CHID1: variants seen among roughly 807,000 people sequenced by gnomAD.
CHID1 encodes chitinase domain-containing protein 1.
Under a neutral mutation model 55.4 loss-of-function variants are expected in CHID1, and 44 were observed. The observed-to-expected ratio is 0.79, with a 90% CI of 0.62 to 1.02. CHID1 has a LOEUF of 1.02. Ranked by LOEUF, CHID1 falls within the 50% of genes least tolerant of loss-of-function variation. The probability of loss-of-function intolerance (pLI) is 0.00; values close to 1 mark genes in which losing one functional copy is unlikely to be tolerated. For missense variants in CHID1, 491 were observed against 515.3 expected (o/e 0.95, Z 0.46); for synonymous variants, 216 against 212.9 (o/e 1.01, Z -0.13).
At chr11:878,869 C>CG (rs1212216175) in intron 10 of CHID1, among the ~76,000 whole-genome samples, 1 of 151,216 alleles carries the variant, frequency 6.6e-6, no homozygotes, top group African/African-American at 2.4e-5. Flanking sequence ...TTTTTTGAGA[C>CG]GGAGTCTCAC....
At chr11:879,131 C>T (rs1024531640) in intron 10 of CHID1, among the ~76,000 whole-genome samples, 11 of 152,222 alleles carry the variant, frequency 7.2e-5, no homozygotes, top group African/African-American at 2.2e-4. Flanking sequence ...CAGGTGTGAG[C>T]CACAGTGTCC....
intron 1 of CHID1, among the ~76,000 whole-genome samples, chr11:905,219 A>G (rs190511576): frequency 6.6e-6 from 1 of 152,352 alleles, no homozygotes; most frequent in East Asian, 1.9e-4. Flanking sequence ...AAGCCAAACC[A>G]TGGTAGGGCT....
At chr11:883,634 G>T (rs755903854) in intron 9 of CHID1, among the ~76,000 whole-genome samples, 1 of 152,232 alleles carries the variant, frequency 6.6e-6, no homozygotes, top group Non-Finnish European at 1.5e-5. Context: ...GCACTCATGT[G>T]CGGCCCCCAC....
chr11:909,156 G>C (rs1379929334), intron 1 of CHID1, among the ~76,000 whole-genome samples: 1 of 152,182 alleles, frequency 6.6e-6, no homozygotes, highest in Non-Finnish European at 1.5e-5. Context: ...CCTTGTCTGG[G>C]CTTTGGTACC....
intron 1 of CHID1, among the ~76,000 whole-genome samples, 167 bp from the exon 2 acceptor site, chr11:905,026 CCA>C (rs1287239288): frequency 4.6e-5 from 7 of 152,190 alleles, no homozygotes; most frequent in African/African-American, 1.7e-4. Flanking sequence ...GCCCTGGCGG[CCA>C]CAGTCTATTC....
intron 9 of CHID1, among the ~76,000 whole-genome samples, chr11:883,839 G>C (rs1850183777): frequency 6.6e-6 from 1 of 152,248 alleles, no homozygotes; most frequent in Non-Finnish European, 1.5e-5. Flanking sequence ...CTCTGGCCGT[G>C]ACCCAGCTCC....
At chr11:880,476 C>G (rs1234166632) in intron 10 of CHID1, among the ~76,000 whole-genome samples, 1 of 152,204 alleles carries the variant, frequency 6.6e-6, no homozygotes, top group East Asian at 1.9e-4. Context: ...CGGGGGAAAG[C>G]CTCCCTAAGG....
intron 8 of CHID1, among the ~76,000 whole-genome samples, chr11:886,780 TCACAGCC>T (rs1850434828): frequency 6.6e-6 from 1 of 152,156 alleles, no homozygotes; most frequent in Non-Finnish European, 1.5e-5. Context: ...GCCCCCCAGC[TCACAGCC>T]CCACATCGCT....
In CHID1 at chr11:883,167, C is replaced by A. The variant is rs1850130654; in HGVS notation, c.940G>T (p.Glu314Ter). ...MDYATSKDAR[E>*]PVVGARYIQT... ...GCTCACCTGGCCCCGACAACAGGCT[C>A]ACGGGCATCCTTGGAGGTCGCGTAG... The change falls in exon 10 of 13, where the codon GAG (glutamate) becomes TAG (stop). Residue 314 changes from glutamate (E) to a stop codon, truncating the protein, a stop_gained. Coordinates refer to ENST00000323578, the MANE Select transcript of CHID1 (RefSeq NM_023947.4). LOFTEE classifies it high-confidence loss of function. 6.2e-7 allele frequency: 1 copy of A among 1,612,642 alleles called. No individual in the cohort carries two copies. Among genetic ancestry groups the A allele is most frequent in the Admixed American group, 1.7e-5 (1 of 59,982 alleles).
At chr11:900,590 A>T (rs888200708) in intron 5 of CHID1, among the ~76,000 whole-genome samples, 1 of 152,076 alleles carries the variant, frequency 6.6e-6, no homozygotes, top group Non-Finnish European at 1.5e-5. Flanking sequence ...CAGGGTCAGC[A>T]TCACCCTCAG....
rs751161259 is a variant in CHID1 at position 870,116 on chromosome 11, C to T, written c.1083+5G>A. The T allele has an allele frequency of 2.5e-5, 41 of 1,612,830 alleles. No homozygotes were observed. In the Middle Eastern group the frequency reaches 4.9e-4, roughly 19 times the overall value. Reference sequence around the variant, plus strand: ...CCCCGGTCCCACGGCTGGCAGCACACGCACCTTCAGGGTTGGGTAGAAGAC... The same window carrying T: ...CCCCGGTCCCACGGCTGGCAGCACATGCACCTTCAGGGTTGGGTAGAAGAC... On this transcript the variant is annotated splice_donor_5th_base_variant and intron_variant, in intron 12 of 12. Transcript: ENST00000323578.
Position 905,740 on chromosome 11 carries a change from G to A in CHID1, c.-43-881C>T, listed in dbSNP as rs569887688. On this transcript the variant is annotated intron_variant, in intron 1 of 12. Transcript: ENST00000323578. ...ATAACGATGATGGTGGTGATGCCAC[G>A]TTAAGTACTAGGAGAAAATATAGCT... is the stretch of plus-strand genomic sequence containing the variant. 2.6e-4 allele frequency among the ~76,000 whole-genome samples: 39 copies of A among 152,166 alleles called. 1 individual carries two copies. The South Asian group carries it at 7.0e-3, about 27-fold the overall frequency.
intron 8 of CHID1, among the ~76,000 whole-genome samples, chr11:887,360 T>G (rs1850479856): frequency 6.6e-6 from 1 of 152,146 alleles, no homozygotes; most frequent in South Asian, 2.1e-4. Flanking sequence ...TGTTCCCATT[T>G]TCTCTCCTCT....
chr11:881,339 C>T (rs191380637), intron 10 of CHID1, among the ~76,000 whole-genome samples: 23 of 151,790 alleles, frequency 1.5e-4, no homozygotes, highest in East Asian at 3.9e-4. Flanking sequence ...ATGAGATTAA[C>T]GGTAGGCTGG....
chr11:897,809 C>T lies in CHID1; in HGVS notation c.608+1531G>A, dbSNP rs556534836. Among the ~76,000 whole-genome samples, 5 of 152,142 alleles carry T rather than the reference C, an allele frequency of 3.3e-5. No homozygotes were observed. The East Asian group carries it at 9.7e-4, about 29-fold the overall frequency. On this transcript the variant is annotated intron_variant, in intron 7 of 12. Coordinates refer to ENST00000323578, the MANE Select transcript of CHID1 (RefSeq NM_023947.4). ...TGGCTGAGGGAGTGGGGTCTGGGCA[C>T]CAGGATCCAGTGGGCAACCACATTG... is the stretch of plus-strand genomic sequence containing the variant.
At chr11:909,533 A>G (rs762060362) in intron 1 of CHID1, among the ~76,000 whole-genome samples, 5 of 152,204 alleles carry the variant, frequency 3.3e-5, no homozygotes, top group Non-Finnish European at 7.3e-5. Flanking sequence ...GGGCTTTCCA[A>G]TGCTTTTCAT....
chr11:909,767 C>T (rs1039994634), intron 1 of CHID1, among the ~76,000 whole-genome samples: 1 of 152,108 alleles, frequency 6.6e-6, no homozygotes, highest in South Asian at 2.1e-4. Context: ...TTTGGGAGGC[C>T]AGGAGTTTTT....
rs1006512276 is a variant in CHID1, at chr11:910,784, A to G, written c.-53T>C. On this transcript the variant is annotated 5_prime_UTR_variant, in exon 1 of 13. Transcript: ENST00000323578. The stretch of plus-strand genomic sequence containing the variant: ...CCGCCGCGGGGCTCACCTGCATGTC[A>G]GGGAGGCCGGACGGCCACAAACGCA... The G allele has an allele frequency of 4.3e-5, 49 of 1,126,826 alleles. No homozygotes were observed. The highest frequency in any genetic ancestry group is 5.4e-5 in the Non-Finnish European group (49 of 912,170). 69.8% of individuals were successfully genotyped at this position (1,126,826 alleles called of 1,614,324 possible). A position where few individuals can be genotyped will look rare whatever the true frequency, so the allele number is the denominator to read the frequency against.
intron 8 of CHID1, among the ~76,000 whole-genome samples, chr11:887,789 G>A (rs767743978): frequency 1.1e-4 from 16 of 152,184 alleles, no homozygotes; most frequent in South Asian, 4.2e-4. Flanking sequence ...CCACATCCAC[G>A]GTGCTGCAAC....
Sources: gnomAD v4.1 joint callset for allele counts (sites outside exome capture counted in the v4.1 genomes callset) on GRCh38, gnomAD v4.1.1 for gene constraint, MANE v1.5 for transcripts, NCBI Gene and HGNC (gene_info 2026-07-23, HGNC 2026-07-21) for gene names.